The following DSCAM variants were observed in gnomAD, a reference collection of about 807,000 sequenced individuals.
DSCAM encodes the protein DS cell adhesion molecule, also known as cell adhesion molecule DSCAM.
In DSCAM, 47 loss-of-function variants were observed where a neutral mutation model predicts 217.7. That is an observed-to-expected ratio of 0.22 (90% confidence interval 0.17 to 0.28). DSCAM has a LOEUF of 0.28. DSCAM is among the 10% of genes least tolerant of loss of function. The pLI, the probability that DSCAM is intolerant of heterozygous loss-of-function variation, is 1.00. For synonymous variants in DSCAM, 1,056 were observed against 1,015.3 expected (o/e 1.04, Z -0.76); for missense variants, 2,080 against 2,618.3 (o/e 0.79, Z 4.49).
intron 1 of DSCAM, among the ~76,000 whole-genome samples, chr21:40,732,660 T>C (rs75657113): frequency 0.029 from 4,363 of 152,302 alleles, 198 homozygotes; most frequent in African/African-American, 0.098. Context: ...TTTGCCCCTA[T>C]ACTAGTCCTA....
intron 3 of DSCAM, among the ~76,000 whole-genome samples, chr21:40,579,384 G>T (rs2076885081): frequency 6.6e-6 from 1 of 152,114 alleles, no homozygotes; most frequent in Non-Finnish European, 1.5e-5. Flanking sequence ...AGGGGTAGAG[G>T]TAGGCAATAT....
intron 20 of DSCAM, among the ~76,000 whole-genome samples, chr21:40,100,582 T>A (rs546980543): frequency 6.6e-6 from 1 of 152,242 alleles, no homozygotes; most frequent in East Asian, 1.9e-4. Context: ...TCACTTTGAT[T>A]TCCAGATTTC....
At chr21:40,662,158 G>A (rs898975815) in intron 3 of DSCAM, among the ~76,000 whole-genome samples, 20 of 152,146 alleles carry the variant, frequency 1.3e-4, no homozygotes, top group Non-Finnish European at 2.5e-4. Flanking sequence ...ACACAACACT[G>A]TGAAAAGACA....
chr21:40,090,141 C>T (rs1447397713), intron 21 of DSCAM, among the ~76,000 whole-genome samples: 1 of 152,168 alleles, frequency 6.6e-6, no homozygotes, highest in East Asian at 1.9e-4. Flanking sequence ...ACTGGCATTT[C>T]CTCCTCTAAA....
chr21:40,646,756 C>T (rs2089952188), intron 3 of DSCAM, among the ~76,000 whole-genome samples: 1 of 152,184 alleles, frequency 6.6e-6, no homozygotes, highest in African/African-American at 2.4e-5. Context: ...GCTCAGCTGC[C>T]AGGGAACACT....
intron 3 of DSCAM, among the ~76,000 whole-genome samples, chr21:40,549,357 A>T (rs2076611302): frequency 6.6e-6 from 1 of 152,144 alleles, no homozygotes; most frequent in South Asian, 2.1e-4. Flanking sequence ...CATTCTGGAA[A>T]ACTCCTGCTG....
At chr21:40,655,573 G>C (rs1454926388) in intron 3 of DSCAM, among the ~76,000 whole-genome samples, 1 of 151,794 alleles carries the variant, frequency 6.6e-6, no homozygotes, top group Non-Finnish European at 1.5e-5. Flanking sequence ...CTCCCAAGTG[G>C]CTAGGACTAC....
chr21:40,246,605 T>C (rs1447834299), intron 11 of DSCAM, among the ~76,000 whole-genome samples: 2 of 150,926 alleles, frequency 1.3e-5, no homozygotes, highest in Non-Finnish European at 2.9e-5. Context: ...GCACTACTCA[T>C]GACTAACACG....
chr21:40,743,408 G>C (rs2091144370), intron 1 of DSCAM, among the ~76,000 whole-genome samples: 1 of 151,986 alleles, frequency 6.6e-6, no homozygotes, highest in Non-Finnish European at 1.5e-5. Context: ...ATTCCACTTG[G>C]GGCCTGTCAC....
At chr21:40,553,021 T>C (rs1393550119) in intron 3 of DSCAM, among the ~76,000 whole-genome samples, 1 of 152,226 alleles carries the variant, frequency 6.6e-6, no homozygotes, top group African/African-American at 2.4e-5. Flanking sequence ...GAACCATCAC[T>C]AAGCATCTTT....
At chr21:40,043,093 C>T (rs1476586177) in intron 31 of DSCAM, among the ~76,000 whole-genome samples, 1 of 152,190 alleles carries the variant, frequency 6.6e-6, no homozygotes, top group Non-Finnish European at 1.5e-5. Flanking sequence ...GGGGCCTCAG[C>T]TCAGGAAGGA....
At chr21:40,106,359 C>A (rs1427947125) in intron 20 of DSCAM, among the ~76,000 whole-genome samples, 1 of 152,104 alleles carries the variant, frequency 6.6e-6, no homozygotes, top group African/African-American at 2.4e-5. Context: ...TGATGTATTG[C>A]TGGATTCAGT....
intron 3 of DSCAM, among the ~76,000 whole-genome samples, chr21:40,376,683 C>CTTAG (rs1484989918): frequency 1.3e-4 from 6 of 45,340 alleles, no homozygotes; most frequent in African/African-American, 4.5e-4. Context: ...ATCTATATAT[C>CTTAG]ATATATATCA....
chr21:40,244,915 A>G (rs1282356821), intron 11 of DSCAM, among the ~76,000 whole-genome samples: 1 of 150,412 alleles, frequency 6.6e-6, no homozygotes, highest in Non-Finnish European at 1.5e-5. Context: ...CTAATGAGAC[A>G]GTGCTCATTT....
chr21:40,196,671 CTCTT>C (rs1322605648), intron 11 of DSCAM, among the ~76,000 whole-genome samples: 1 of 151,788 alleles, frequency 6.6e-6, no homozygotes, highest in Non-Finnish European at 1.5e-5. Flanking sequence ...ACTTTCCCCT[CTCTT>C]TCTTCTGTTT....
At chr21:40,124,137 C>G in intron 20 of DSCAM, 58 bp downstream of exon 20, 1 of 1,608,788 alleles carries the variant, frequency 6.2e-7, no homozygotes, top group Non-Finnish European at 8.5e-7. Context: ...CCAGTGCGAG[C>G]ACCTGCAGCT....
intron 32 of DSCAM, among the ~76,000 whole-genome samples, chr21:40,019,033 T>A (rs2088215726): frequency 6.6e-6 from 1 of 152,210 alleles, no homozygotes; most frequent in South Asian, 2.1e-4. Flanking sequence ...ATTAATGCAC[T>A]TACAGAGAAG....
chr21:40,167,159 G>T, intron 16 of DSCAM, 59 bp downstream of exon 16: 1 of 1,493,730 alleles, frequency 6.7e-7, no homozygotes, highest in Non-Finnish European at 9.3e-7. Context: ...CACTGAACAG[G>T]AGTGAAGGGC....
At chr21:40,271,062 C>T (rs1423920239) in intron 11 of DSCAM, among the ~76,000 whole-genome samples, 1 of 152,194 alleles carries the variant, frequency 6.6e-6, no homozygotes, top group South Asian at 2.1e-4. Flanking sequence ...GGAGATCTGT[C>T]CAGAAATAGC....
Sources: allele counts gnomAD v4.1 joint callset (sites outside exome capture counted in the v4.1 genomes callset), GRCh38; gene constraint gnomAD v4.1.1; transcripts MANE v1.5; gene names NCBI Gene and HGNC (gene_info 2026-07-23, HGNC 2026-07-21).